The following EIF3E variants were observed in gnomAD, a reference collection of about 807,000 sequenced individuals.
EIF3E encodes eukaryotic translation initiation factor 3 subunit E, also known as eIF-3 p48.
EIF3E carries 25 observed loss-of-function variants against 59.3 expected under a neutral mutation model. That is an observed-to-expected ratio of 0.42 (90% confidence interval 0.31 to 0.59). The LOEUF (loss-of-function observed/expected upper bound fraction) is 0.59, where lower values mean the gene tolerates loss of function less well. Among genes scored for constraint, EIF3E ranks in the 20% least tolerant of loss-of-function variants. The probability of loss-of-function intolerance (pLI) is 0.15; values close to 1 mark genes in which losing one functional copy is unlikely to be tolerated. For missense variants in EIF3E, 317 were observed against 534.3 expected (o/e 0.59, Z 4.01); for synonymous variants, 176 against 170.2 (o/e 1.03, Z -0.26).
At chr8:108,230,289 C>G (rs190665853) in intron 5 of EIF3E, among the ~76,000 whole-genome samples, 1 of 152,132 alleles carries the variant, frequency 6.6e-6, no homozygotes, top group Non-Finnish European at 1.5e-5. Flanking sequence ...AGCTTCCTCA[C>G]TGCAACATGG....
At chr8:108,206,320 CATGTCAAAAAAAAAGAAAAAGA>C (rs1203893107) in intron 10 of EIF3E, among the ~76,000 whole-genome samples, 11 of 150,444 alleles carry the variant, frequency 7.3e-5, no homozygotes, top group Non-Finnish European at 1.3e-4. Flanking sequence ...GTGAGACCCC[CATGTCAAAAAAAAAGAAAAAGA>C]AAGAAAAAAG....
chr8:108,223,436 T>C (rs1381861552), intron 7 of EIF3E, among the ~76,000 whole-genome samples: 2 of 152,238 alleles, frequency 1.3e-5, no homozygotes, highest in South Asian at 2.1e-4. Flanking sequence ...AGGAACTAAT[T>C]AGAAAATATA....
chr8:108,221,050 C>G (rs112514096), intron 7 of EIF3E, among the ~76,000 whole-genome samples: 1 of 147,138 alleles, frequency 6.8e-6, no homozygotes, highest in African/African-American at 2.5e-5. Context: ...AAGGACAGGA[C>G]AGGACAGGAC....
intron 11 of EIF3E, 29 bp downstream of exon 11, chr8:108,203,372 G>A: frequency 6.5e-7 from 1 of 1,539,648 alleles, no homozygotes; most frequent in South Asian, 1.1e-5. Context: ...GGAACTGATA[G>A]TATGTAGCAT....
intron 2 of EIF3E, among the ~76,000 whole-genome samples, chr8:108,241,066 C>T (rs1284499811): frequency 6.6e-6 from 1 of 152,048 alleles, no homozygotes; most frequent in Non-Finnish European, 1.5e-5. Flanking sequence ...TTGCAGGGAA[C>T]TACAAGTCAA....
intron 5 of EIF3E, chr8:108,231,942 T>G (rs1346172540): frequency 6.6e-6 from 1 of 151,822 alleles, no homozygotes; most frequent in Non-Finnish European, 1.5e-5. Context: ...AATTCTAATC[T>G]CAGATCATAG....
rs1407014303 is a variant in EIF3E, at chr8:108,216,266, A to T, written c.951+146T>A. ...TTAAGCCATTTTAAGGTTAATAAAC[A>T]TGAGCCATTTAGGCCTTTTTAAGAT... On this transcript the variant is annotated intron_variant, in intron 9 of 12. Coordinates refer to ENST00000220849, the MANE Select transcript of EIF3E (RefSeq NM_001568.3). 1.3e-5 allele frequency: 8 copies of T among 603,462 alleles called. No individual in the cohort carries two copies. The Admixed American group carries it at 2.5e-4, about 19-fold the overall frequency. The allele number at this position is 603,462 out of a possible 1,614,324, so 37.4% of individuals were successfully genotyped here.
At chr8:108,219,378 GAAT>G (rs1236043082) in intron 7 of EIF3E, among the ~76,000 whole-genome samples, 11 of 152,226 alleles carry the variant, frequency 7.2e-5, no homozygotes, top group East Asian at 1.9e-4. Context: ...GGCAAATTCA[GAAT>G]ATTATGCCAG....
At chr8:108,229,379 CTCAGGTCT>C (rs1815579949) in intron 5 of EIF3E, 184 bp from the exon 6 acceptor site, 1 of 487,980 alleles carries the variant, frequency 2.0e-6, no homozygotes, top group African/African-American at 2.0e-5. Flanking sequence ...GCTAAAAATA[CTCAGGTCT>C]TCAATAATCA....
intron 3 of EIF3E, 121 bp downstream of exon 3, chr8:108,239,837 T>C (rs1815802672): frequency 1.3e-6 from 1 of 764,862 alleles, no homozygotes; most frequent in South Asian, 1.7e-5. Context: ...AAATTAAAAA[T>C]GAATAAAGCA....
intron 10 of EIF3E, among the ~76,000 whole-genome samples, chr8:108,206,454 G>A (rs1815102304): frequency 6.6e-6 from 1 of 152,168 alleles, no homozygotes; most frequent in African/African-American, 2.4e-5. Context: ...TTTAATCTTA[G>A]ATTTTTAAGA....
intron 1 of EIF3E, among the ~76,000 whole-genome samples, chr8:108,244,004 C>A (rs1815895691): frequency 6.6e-6 from 1 of 152,134 alleles, no homozygotes; most frequent in South Asian, 2.1e-4. Context: ...TCTACATATG[C>A]CTCTCAATTC....
chr8:108,227,951 G>A (rs1815544774), intron 7 of EIF3E: 2 of 190,838 alleles, frequency 1.0e-5, no homozygotes, highest in African/African-American at 2.3e-5. Context: ...GTTTACATGA[G>A]TTACCTGGGA....
intron 1 of EIF3E, 84 bp from the exon 2 acceptor site, chr8:108,241,997 T>G: frequency 8.2e-7 from 1 of 1,216,818 alleles, no homozygotes; most frequent in Non-Finnish European, 1.1e-6. Flanking sequence ...TACCTGGAAA[T>G]ATATTTCAAG....
At chr8:108,212,174 G>A (rs1432339313) in intron 10 of EIF3E, among the ~76,000 whole-genome samples, 2 of 152,140 alleles carry the variant, frequency 1.3e-5, no homozygotes, top group Admixed American at 6.5e-5. Context: ...AGTCAGGAGA[G>A]AAGCTGAACA....
intron 7 of EIF3E, among the ~76,000 whole-genome samples, chr8:108,217,964 A>C (rs534020693): frequency 4.2e-4 from 64 of 152,344 alleles, no homozygotes; most frequent in African/African-American, 1.3e-3. Context: ...TAGCAGTAGG[A>C]ATTAGGAAGG....
chr8:108,211,191 G>T (rs1815202891), intron 10 of EIF3E, among the ~76,000 whole-genome samples: 1 of 152,136 alleles, frequency 6.6e-6, no homozygotes, highest in Admixed American at 6.5e-5. Context: ...CACAATGGTT[G>T]AACTAGTTTA....
intron 7 of EIF3E, among the ~76,000 whole-genome samples, chr8:108,225,416 A>G (rs1815500274): frequency 6.6e-6 from 1 of 151,322 alleles, no homozygotes; most frequent in Admixed American, 6.6e-5. Context: ...TACCTGCATA[A>G]CTCACTGGAC....
At chr8:108,206,202 T>A (rs1405956455) in intron 10 of EIF3E, among the ~76,000 whole-genome samples, 1 of 152,032 alleles carries the variant, frequency 6.6e-6, no homozygotes, top group African/African-American at 2.4e-5. Flanking sequence ...TGCCAGCCTT[T>A]ACAGAGTTTA....
Sources: gnomAD v4.1 joint callset for allele counts (sites outside exome capture counted in the v4.1 genomes callset) on GRCh38, gnomAD v4.1.1 for gene constraint, MANE v1.5 for transcripts, NCBI Gene and HGNC (gene_info 2026-07-23, HGNC 2026-07-21) for gene names.